Variants in ELN observed in about 807,000 individuals in gnomAD.
The protein encoded by ELN is elastin, also known as tropoelastin.
Under a neutral mutation model 105.8 loss-of-function variants are expected in ELN, and 65 were observed. That is an observed-to-expected ratio of 0.61 (90% CI 0.50 to 0.75). ELN has a LOEUF of 0.75. ELN is among the 30% of genes least tolerant of loss of function. The pLI, the probability that ELN is intolerant of heterozygous loss-of-function variation, is 0.00. For missense variants in ELN, 882 were observed against 969.4 expected, an observed-to-expected ratio of 0.91 and a Z score of 1.20; for synonymous variants, 368 against 389.2, an observed-to-expected ratio of 0.95 and a Z score of 0.64.
In ELN at chr7:74,042,726, AC is replaced by A. The variant is rs1554669387; in HGVS notation, c.325+21del. On this transcript the variant is annotated intron_variant, in intron 6 of 32. Coordinates refer to ENST00000252034, the MANE Select transcript of ELN (RefSeq NM_000501.4). Reference sequence around the variant, plus strand: ...AGGCTGGTGAGTGGTGCTCTTTGGGACATGCCACAAGCCCTCTGGCTTCCGT... The same window carrying A: ...AGGCTGGTGAGTGGTGCTCTTTGGGAATGCCACAAGCCCTCTGGCTTCCGT... The A allele has an allele frequency of 6.2e-7, 1 of 1,611,056 alleles. No homozygotes were observed. The highest frequency in any genetic ancestry group is 8.5e-7 in the Non-Finnish European group (1 of 1,179,842).
At chr7:74,066,858 AGAAGG>A in intron 32 of ELN, 82 bp downstream of exon 32, 1 of 1,491,018 alleles carries the variant, frequency 6.7e-7, no homozygotes, top group Non-Finnish European at 9.3e-7. Context: ...TCTCCTGCTC[AGAAGG>A]GCTGAGCCAG....
intron 26 of ELN, among the ~76,000 whole-genome samples, chr7:74,062,925 C>T (rs1456886922): frequency 6.6e-6 from 1 of 152,106 alleles, no homozygotes; most frequent in Non-Finnish European, 1.5e-5. Flanking sequence ...CGCATGAGCC[C>T]AGGAGTTGGA....
At chr7:74,029,549 C>T (rs1432250024) in intron 1 of ELN, among the ~76,000 whole-genome samples, 5 of 151,636 alleles carry the variant, frequency 3.3e-5, no homozygotes, top group South Asian at 4.2e-4. Context: ...GGGAGGGCCA[C>T]GGGGTGGAGT....
chr7:74,060,958 AAGCTCTGTGCCTGTAC>A, intron 25 of ELN, 127 bp from the exon 26 acceptor site: 1 of 1,020,442 alleles, frequency 9.8e-7, no homozygotes, highest in Non-Finnish European at 1.5e-6. Flanking sequence ...TTCAGCCCTA[AAGCTCTGTGCCTGTAC>A]AGCTTCAGGG....
chr7:74,053,934 A>T (rs1315905074), intron 18 of ELN, among the ~76,000 whole-genome samples: 2 of 151,638 alleles, frequency 1.3e-5, no homozygotes, highest in Non-Finnish European at 2.9e-5. Context: ...TGAGGGATGG[A>T]TGGATGGGAG....
rs947691494 is a variant in ELN, at chr7:74,069,500, T to C, written c.*800T>C. On this transcript the variant is annotated 3_prime_UTR_variant, in exon 33 of 33. Transcript: ENST00000252034. ...TACACTCCCCCAGGGCGTGCGGGGC[T>C]GTGCAGACTGGGGTGCCAGGCATCT... 3.0e-5 allele frequency: 7 copies of C among 234,290 alleles called. No homozygotes were observed. The highest frequency in any genetic ancestry group is 1.8e-4 in the South Asian group (1 of 5,536). The allele number at this position is 234,290 out of a possible 1,614,324, so 14.5% of individuals were successfully genotyped here. A position where few individuals can be genotyped will look rare whatever the true frequency, so the allele number is the denominator to read the frequency against.
intron 9 of ELN, 99 bp from the exon 10 acceptor site, chr7:74,045,123 T>C: frequency 7.3e-7 from 1 of 1,376,210 alleles, no homozygotes; most frequent in Non-Finnish European, 1.0e-6. Context: ...TGACAGTCAG[T>C]CCCAAGGGAG....
intron 32 of ELN, 119 bp from the exon 33 acceptor site, chr7:74,068,538 A>G (rs1798488146): frequency 5.5e-6 from 7 of 1,277,540 alleles, no homozygotes; most frequent in Non-Finnish European, 6.7e-6. Flanking sequence ...GCCTGGGGCC[A>G]TGACTTGGCT....
At chr7:74,048,393 A>C (rs1793069318) in intron 14 of ELN, 110 bp from the exon 15 acceptor site, 4 of 1,552,248 alleles carry the variant, frequency 2.6e-6, no homozygotes, top group Non-Finnish European at 2.7e-6. Flanking sequence ...TGAAGCTCCC[A>C]TGTATACCCA....
At chr7:74,041,279 C>T (rs782818032) in intron 5 of ELN, 28 bp downstream of exon 5, 18 of 1,613,568 alleles carry the variant, frequency 1.1e-5, no homozygotes, top group Middle Eastern at 1.6e-4. Flanking sequence ...AGAAAGATAT[C>T]CCCTGTGGGG....
At chr7:74,038,684 C>T (rs782790125) in intron 4 of ELN, among the ~76,000 whole-genome samples, 6 of 152,234 alleles carry the variant, frequency 3.9e-5, no homozygotes, top group Admixed American at 6.5e-5. Flanking sequence ...GGCCGCCCCA[C>T]ACCCTGAGCT....
rs1012176845 is a variant in ELN, at chr7:74,069,301, T to G, written c.*601T>G. On this transcript the variant is annotated 3_prime_UTR_variant, in exon 33 of 33. Transcript: ENST00000252034. Reference sequence around the variant, plus strand: ...TTTGGGTTGGAAAACCACCCCACACTGGGAATAGCCACCTTGCCCTTGTAG... The same window carrying G: ...TTTGGGTTGGAAAACCACCCCACACGGGGAATAGCCACCTTGCCCTTGTAG... 8.4e-6 allele frequency: 2 copies of G among 237,858 alleles called. No homozygotes were observed. The allele number at this position is 237,858 out of a possible 1,614,324, so 14.7% of individuals were successfully genotyped here.
chr7:74,031,906 A>T (rs1788790026), intron 1 of ELN, among the ~76,000 whole-genome samples: 1 of 150,856 alleles, frequency 6.6e-6, no homozygotes, highest in South Asian at 2.1e-4. Context: ...GGAAGGAAGG[A>T]AGGAAGGAAA....
Position 74,046,022 on chromosome 7 carries a change from C to T in ELN, c.542-166C>T, listed in dbSNP as rs1036255444. The T allele has an allele frequency of 6.5e-6, 6 of 917,176 alleles. No individual in the cohort carries two copies. The East Asian group carries it at 1.0e-4, about 16-fold the overall frequency. 56.8% of individuals were successfully genotyped at this position (917,176 alleles called of 1,614,324 possible). A position where few individuals can be genotyped will look rare whatever the true frequency, so the allele number is the denominator to read the frequency against. On this transcript the variant is annotated intron_variant, in intron 10 of 32. Transcript: ENST00000252034. ...TCCACCCCAGCCTGGGCGACAAGAG[C>T]GAAACTCCATCTCCGAAAAAAGAAA...
At chr7:74,043,449 G>A (rs550544177) in intron 8 of ELN, 71 of 699,680 alleles carry the variant, frequency 1.0e-4, no homozygotes, top group South Asian at 3.9e-4. Flanking sequence ...TCAAAGAGGC[G>A]AGTCAGTGTG....
intron 14 of ELN, 103 bp from the exon 15 acceptor site, chr7:74,048,400 C>A (rs1347574320): frequency 2.6e-6 from 4 of 1,553,024 alleles, no homozygotes; most frequent in Non-Finnish European, 3.6e-6. Flanking sequence ...CCCATGTATA[C>A]CCACATGTCA....
chr7:74,035,780 TA>T (rs144049843), intron 2 of ELN: 69 of 335,872 alleles, frequency 2.1e-4, no homozygotes, highest in Middle Eastern at 2.0e-3. Context: ...GTATAGAAAT[TA>T]AAAAAAAATT....
chr7:74,068,039 C>G (rs975060711), intron 32 of ELN, among the ~76,000 whole-genome samples: 4 of 151,536 alleles, frequency 2.6e-5, no homozygotes, highest in African/African-American at 9.7e-5. Flanking sequence ...ATATCTGGCT[C>G]AAGCAGGGTT....
In ELN at chr7:74,069,351, C is replaced by T; in HGVS notation, c.*651C>T. ...GAATCCATCCGCCCATCCGTCCATT[C>T]ATCCATCGGTCCGTCCATCCATGTC... On this transcript the variant is annotated 3_prime_UTR_variant, in exon 33 of 33. Transcript: ENST00000252034. 1 of 236,586 alleles carries T rather than the reference C, an allele frequency of 4.2e-6. No homozygotes were observed. The highest frequency in any genetic ancestry group is 6.0e-5 in the East Asian group (1 of 16,630). 14.7% of individuals were successfully genotyped at this position (236,586 alleles called of 1,614,324 possible).
Sources: allele counts gnomAD v4.1 joint callset (sites outside exome capture counted in the v4.1 genomes callset), GRCh38; gene constraint gnomAD v4.1.1; transcripts MANE v1.5; gene names NCBI Gene and HGNC (gene_info 2026-07-23, HGNC 2026-07-21).